EIPR1: variants seen among roughly 807,000 people sequenced by gnomAD.
The protein encoded by EIPR1 is EARP and GARP complex-interacting protein 1.
Under a neutral mutation model 48.1 loss-of-function variants are expected in EIPR1, and 25 were observed. The observed-to-expected ratio is 0.52, with a 90% CI of 0.38 to 0.73. EIPR1 has a LOEUF of 0.73. Among genes scored for constraint, EIPR1 ranks in the 30% least tolerant of loss-of-function variants. The pLI, the probability that EIPR1 is intolerant of heterozygous loss-of-function variation, is 0.00. For synonymous variants in EIPR1, 204 were observed against 201.9 expected (o/e 1.01, Z -0.09); for missense variants, 415 against 506.2 (o/e 0.82, Z 1.73).
At chr2:3,255,384 T>C (rs1318076688) in intron 4 of EIPR1, among the ~76,000 whole-genome samples, 1 of 152,182 alleles carries the variant, frequency 6.6e-6, no homozygotes, top group Admixed American at 6.5e-5. Flanking sequence ...GGTTTCACCA[T>C]GTTGGCCAGG....
intron 4 of EIPR1, among the ~76,000 whole-genome samples, chr2:3,247,822 T>C (rs1352847175): frequency 6.6e-6 from 1 of 152,240 alleles, no homozygotes; most frequent in African/African-American, 2.4e-5. Flanking sequence ...TATCTACTCT[T>C]GGAAAGTAAA....
chr2:3,272,781 A>C (rs1404197190), intron 3 of EIPR1, among the ~76,000 whole-genome samples: 7 of 152,220 alleles, frequency 4.6e-5, no homozygotes, highest in Non-Finnish European at 1.0e-4. Flanking sequence ...GTAATTGAAA[A>C]AATGGGCCAA....
At chr2:3,349,188 T>C (rs993705402) in intron 2 of EIPR1, among the ~76,000 whole-genome samples, 8 of 152,172 alleles carry the variant, frequency 5.3e-5, no homozygotes, top group Non-Finnish European at 8.8e-5. Flanking sequence ...GAGGCAGACA[T>C]GCAGGTTTCA....
At chr2:3,208,781 AG>A in intron 5 of EIPR1, 1 of 1,547,526 alleles carries the variant, frequency 6.5e-7, no homozygotes, top group Non-Finnish European at 8.7e-7. Flanking sequence ...TTCTTCCTTG[AG>A]TGAGGCTCGT....
chr2:3,301,818 A>C (rs919470604), intron 3 of EIPR1, among the ~76,000 whole-genome samples: 3 of 152,224 alleles, frequency 2.0e-5, no homozygotes, highest in Admixed American at 1.3e-4. Context: ...CCACCATTTA[A>C]AATGTCTTAG....
intron 1 of EIPR1, among the ~76,000 whole-genome samples, chr2:3,371,922 A>C (rs1671125667): frequency 6.6e-6 from 1 of 152,128 alleles, no homozygotes; most frequent in Non-Finnish European, 1.5e-5. Context: ...AAATCAACAG[A>C]ATATACATTT....
chr2:3,327,003 G>A (rs1044576348), intron 3 of EIPR1, among the ~76,000 whole-genome samples: 34 of 152,222 alleles, frequency 2.2e-4, no homozygotes, highest in Non-Finnish European at 4.4e-4. Context: ...TTGGCACAGA[G>A]GCAGGCAGCC....
At chr2:3,366,969 T>G (rs1421240292) in intron 1 of EIPR1, among the ~76,000 whole-genome samples, 1 of 151,982 alleles carries the variant, frequency 6.6e-6, no homozygotes, top group Non-Finnish European at 1.5e-5. Flanking sequence ...CACTTGAACC[T>G]GGGAGGTGGA....
intron 1 of EIPR1, among the ~76,000 whole-genome samples, chr2:3,357,063 C>A (rs577425715): frequency 4.1e-4 from 63 of 152,166 alleles, no homozygotes; most frequent in South Asian, 2.3e-3. Context: ...TTGCTTTCTA[C>A]AACCAATCAC....
chr2:3,189,078 C>T lies in EIPR1; in HGVS notation c.*256G>A. The T allele has an allele frequency of 2.8e-6, 1 of 360,722 alleles. No individual in the cohort carries two copies. The highest frequency in any genetic ancestry group is 4.9e-6 in the Non-Finnish European group (1 of 202,380). 22.3% of individuals were successfully genotyped at this position (360,722 alleles called of 1,614,324 possible). A position where few individuals can be genotyped will look rare whatever the true frequency, so the allele number is the denominator to read the frequency against. Reference sequence around the variant, plus strand: ...AGCGAAACTCCTGACACCCTTAAAACAGAAAACATTGTTATTCACATAATA... The same window carrying T: ...AGCGAAACTCCTGACACCCTTAAAATAGAAAACATTGTTATTCACATAATA... On this transcript the variant is annotated 3_prime_UTR_variant, in exon 9 of 9. Transcript: ENST00000382125. This position sits in a 1 kb window ranked among gnomAD's most constrained non-coding sequence, Gnocchi z 4.6.
chr2:3,191,393 C>T (rs1664602022), intron 8 of EIPR1, among the ~76,000 whole-genome samples: 2 of 151,394 alleles, frequency 1.3e-5, no homozygotes, highest in Non-Finnish European at 2.9e-5. Flanking sequence ...GGCCCATCCC[C>T]ACTGCAGAGA....
chr2:3,293,732 A>T (rs998641468), intron 3 of EIPR1, among the ~76,000 whole-genome samples: 4 of 152,234 alleles, frequency 2.6e-5, no homozygotes, highest in African/African-American at 9.6e-5. Context: ...AATATGCTGC[A>T]GGTGAGACCC....
chr2:3,256,070 T>A (rs999366217), intron 4 of EIPR1, among the ~76,000 whole-genome samples: 1 of 152,172 alleles, frequency 6.6e-6, no homozygotes, highest in Non-Finnish European at 1.5e-5. Context: ...GTGATTTTAA[T>A]ACTCAGAGCA....
At chr2:3,249,690 G>T (rs1354080513) in intron 4 of EIPR1, among the ~76,000 whole-genome samples, 2 of 152,158 alleles carry the variant, frequency 1.3e-5, no homozygotes, top group Non-Finnish European at 1.5e-5. Context: ...GACATCTCAG[G>T]CATCTTGGGA....
chr2:3,339,888 T>G (rs1249741853), intron 2 of EIPR1, among the ~76,000 whole-genome samples: 1 of 152,228 alleles, frequency 6.6e-6, no homozygotes, highest in Admixed American at 6.5e-5. Context: ...AGGCGGAGCC[T>G]GCAGTGAGCC....
intron 4 of EIPR1, among the ~76,000 whole-genome samples, chr2:3,224,640 C>T (rs1572324147): frequency 6.6e-6 from 1 of 152,152 alleles, no homozygotes; most frequent in South Asian, 2.1e-4. Flanking sequence ...GCTGAGCTGC[C>T]CAGGGATAAC....
chr2:3,230,511 G>C (rs1666209561), intron 4 of EIPR1, among the ~76,000 whole-genome samples: 3 of 152,128 alleles, frequency 2.0e-5, no homozygotes, highest in Admixed American at 1.3e-4. Context: ...TCCACTTGTG[G>C]CATCATATTC....
rs556908635 is a variant in EIPR1, at chr2:3,294,148, G to A, written c.260-36693C>T. Among the ~76,000 whole-genome samples the A allele has an allele frequency of 3.9e-5, 6 of 152,196 alleles. No individual in the cohort carries two copies. The South Asian group carries it at 1.2e-3, about 32-fold the overall frequency. ...TGTGTAGAAGTAATATTGTTCATTA[G>A]GAGAATCCCACAGGAGGAATAATTA... On this transcript the variant is annotated intron_variant, in intron 3 of 8. Transcript: ENST00000382125.
At chr2:3,281,211 G>A (rs13390469) in intron 3 of EIPR1, among the ~76,000 whole-genome samples, 7,220 of 151,896 alleles carry the variant, frequency 0.048, 224 homozygotes, top group African/African-American at 0.086. Context: ...AATCAGGGAA[G>A]TCAGATTTCT....
Sources: gnomAD v4.1 joint callset for allele counts (sites outside exome capture counted in the v4.1 genomes callset) on GRCh38, gnomAD v4.1.1 for gene constraint, Gnocchi (gnomAD v3.1) non-coding constraint, MANE v1.5 for transcripts, NCBI Gene and HGNC (gene_info 2026-07-23, HGNC 2026-07-21) for gene names.